Variants in PTPN11 observed in about 807,000 individuals in gnomAD.
PTPN11 encodes protein tyrosine phosphatase non-receptor type 11.
PTPN11 carries 6 observed loss-of-function variants against 78.8 expected under a neutral mutation model. That is an observed-to-expected ratio of 0.08 (90% CI 0.04 to 0.15). The LOEUF (loss-of-function observed/expected upper bound fraction) is 0.15. Ranked by LOEUF, PTPN11 falls within the 10% of genes least tolerant of loss-of-function variation. PTPN11 has a pLI of 1.00. For synonymous variants in PTPN11, 221 were observed against 263.5 expected (o/e 0.84, Z 1.56); for missense variants, 386 against 744.8 (o/e 0.52, Z 5.61).
intron 1 of PTPN11, among the ~76,000 whole-genome samples, chr12:112,442,375 A>T (rs1414190571): frequency 6.6e-6 from 1 of 152,046 alleles, no homozygotes; most frequent in Non-Finnish European, 1.5e-5. Context: ...TCTAATCCCC[A>T]AATCTCAAAT....
chr12:112,462,749 C>A (rs959907709), intron 6 of PTPN11, among the ~76,000 whole-genome samples: 1 of 152,106 alleles, frequency 6.6e-6, no homozygotes, highest in African/African-American at 2.4e-5. Flanking sequence ...ATAATAGTGT[C>A]TAGAGATAGT....
At chr12:112,499,142 TAAC>T (rs2038844449) in intron 13 of PTPN11, among the ~76,000 whole-genome samples, 2 of 152,144 alleles carry the variant, frequency 1.3e-5, no homozygotes, top group Admixed American at 6.6e-5. Context: ...GGTATATAGT[TAAC>T]AATACTGCAC....
chr12:112,440,563 CTTTTTTTTTT>C (rs772805515), intron 1 of PTPN11, among the ~76,000 whole-genome samples: 3 of 90,710 alleles, frequency 3.3e-5, no homozygotes, highest in East Asian at 2.6e-4. Context: ...TGTGCCTGGC[CTTTTTTTTTT>C]TTTTTTTTTT....
chr12:112,469,928 C>CT lies in PTPN11; in HGVS notation c.757-3006dup, dbSNP rs908638613. Among the ~76,000 whole-genome samples, 32 of 147,038 alleles carry CT rather than the reference C, an allele frequency of 2.2e-4. 1 individual carries two copies. The highest frequency in any genetic ancestry group is 3.2e-4 in the African/African-American group (13 of 40,228). On this transcript the variant is annotated intron_variant, in intron 6 of 15. Transcript: ENST00000351677. Reference sequence around the variant, plus strand: ...GAGATGCCAAAGCATCTTGAAGGTGCTTTTTTTTTTGGAAACAGAGTCTTG... The same window carrying CT: ...GAGATGCCAAAGCATCTTGAAGGTGCTTTTTTTTTTTGGAAACAGAGTCTTG...
chr12:112,420,791 C>T (rs775092981), intron 1 of PTPN11, among the ~76,000 whole-genome samples: 7 of 152,200 alleles, frequency 4.6e-5, no homozygotes, highest in Non-Finnish European at 7.3e-5. Context: ...TTGGCAAGTG[C>T]TTACAGATCT....
chr12:112,485,810 A>G (rs1463705696), intron 10 of PTPN11, among the ~76,000 whole-genome samples: 3 of 151,942 alleles, frequency 2.0e-5, no homozygotes, highest in Non-Finnish European at 4.4e-5. Context: ...AAGAAACCCC[A>G]TCGCTACTAA....
rs200008574 is a variant in PTPN11, at chr12:112,459,433, C to CT, written c.756+3385dup. Among the ~76,000 whole-genome samples the CT allele has an allele frequency of 3.1e-3, 444 of 141,744 alleles. 10 individuals carry two copies. The East Asian group carries it at 0.039, about 13-fold the overall frequency. The allele number at this position is 141,744 out of a possible 152,430, so 93.0% of individuals were successfully genotyped here. On this transcript the variant is annotated intron_variant, in intron 6 of 15. Coordinates refer to ENST00000351677, the MANE Select transcript of PTPN11 (RefSeq NM_002834.5). ...GCCCTGACTTGTCTTGAAGCAAATACTTTTTTTTTTTTTTTGAGATAGAGT... is the reference window on the plus strand; with the variant it reads ...GCCCTGACTTGTCTTGAAGCAAATACTTTTTTTTTTTTTTTTGAGATAGAGT...
In PTPN11 at chr12:112,506,609, C is replaced by T. The variant is rs775361295; in HGVS notation, c.*817C>T. The T allele has an allele frequency of 1.3e-5, 2 of 152,190 alleles. No homozygotes were observed. The highest frequency in any genetic ancestry group is 2.9e-5 in the Non-Finnish European group (2 of 68,050). 9.4% of individuals were successfully genotyped at this position (152,190 alleles called of 1,614,324 possible). A position where few individuals can be genotyped will look rare whatever the true frequency, so the allele number is the denominator to read the frequency against. The stretch of plus-strand genomic sequence containing the variant: ...GTTTTTGGTCGCCAAATGTTGCTGA[C>T]AAACTTATCCCAAAACTTTAGTGGC... On this transcript the variant is annotated 3_prime_UTR_variant, in exon 16 of 16. Transcript: ENST00000351677.
chr12:112,508,851 G>A lies in PTPN11; in HGVS notation c.*3059G>A, dbSNP rs1180499270. On this transcript the variant is annotated 3_prime_UTR_variant, in exon 16 of 16. Transcript: ENST00000351677. ...GAGGAGACACGGGTAGGACTTTCTT[G>A]GTGTGTGTGCATTCTTTAAAGAGCC... 1.3e-5 allele frequency: 2 copies of A among 152,128 alleles called. No individual in the cohort carries two copies. The highest frequency in any genetic ancestry group is 2.9e-5 in the Non-Finnish European group (2 of 68,026). The allele number at this position is 152,128 out of a possible 1,614,324, so 9.4% of individuals were successfully genotyped here.
At chr12:112,429,879 A>G (rs1183415735) in intron 1 of PTPN11, among the ~76,000 whole-genome samples, 2 of 152,134 alleles carry the variant, frequency 1.3e-5, no homozygotes, top group African/African-American at 2.4e-5. Context: ...TTAAAAAGAA[A>G]TTTTTAGAAC....
At chr12:112,438,808 A>G (rs2037836392) in intron 1 of PTPN11, among the ~76,000 whole-genome samples, 1 of 152,036 alleles carries the variant, frequency 6.6e-6, no homozygotes, top group African/African-American at 2.4e-5. Context: ...ATTTTTTTGT[A>G]GAGATGGGAT....
chr12:112,458,655 A>G (rs1447175577), intron 6 of PTPN11, among the ~76,000 whole-genome samples: 1 of 152,228 alleles, frequency 6.6e-6, no homozygotes, highest in African/African-American at 2.4e-5. Flanking sequence ...TGAAGACACT[A>G]GTGAACAAGA....
At chr12:112,463,769 T>C (rs2038285181) in intron 6 of PTPN11, among the ~76,000 whole-genome samples, 1 of 152,196 alleles carries the variant, frequency 6.6e-6, no homozygotes, top group Admixed American at 6.5e-5. Flanking sequence ...GTAAAATTGT[T>C]GTGCACTAAA....
chr12:112,487,752 T>G (rs189024146), intron 11 of PTPN11, among the ~76,000 whole-genome samples: 11 of 152,332 alleles, frequency 7.2e-5, no homozygotes, highest in Non-Finnish European at 1.5e-4. Context: ...TTTTAATTTT[T>G]AAAATTATTT....
chr12:112,468,245 G>A (rs1383673331), intron 6 of PTPN11, among the ~76,000 whole-genome samples: 1 of 152,212 alleles, frequency 6.6e-6, no homozygotes, highest in Non-Finnish European at 1.5e-5. Flanking sequence ...CAGGTCATTA[G>A]CAGCTTTTGT....
intron 13 of PTPN11, among the ~76,000 whole-genome samples, chr12:112,490,767 T>C (rs1216405800): frequency 6.6e-6 from 1 of 152,174 alleles, no homozygotes; most frequent in African/African-American, 2.4e-5. Flanking sequence ...TTTAAAAATG[T>C]GTAGGCTTCA....
chr12:112,438,067 C>T (rs1218417270), intron 1 of PTPN11, among the ~76,000 whole-genome samples: 1 of 152,118 alleles, frequency 6.6e-6, no homozygotes, highest in Non-Finnish European at 1.5e-5. Context: ...TATTTTCACA[C>T]TTCGGGTGGA....
chr12:112,440,865 C>T (rs1467775619), intron 1 of PTPN11, among the ~76,000 whole-genome samples: 4 of 151,522 alleles, frequency 2.6e-5, no homozygotes, highest in Admixed American at 2.0e-4. Context: ...CATGAGTCAC[C>T]GGGCCCAGAC....
chr12:112,448,120 C>G lies in PTPN11; in HGVS notation c.137+1722C>G, dbSNP rs149361318. On this transcript the variant is annotated intron_variant, in intron 2 of 15. Coordinates refer to ENST00000351677, the MANE Select transcript of PTPN11 (RefSeq NM_002834.5). ...CCTGGCCTGAGAAATCTCATTCTTACTCCTACTCCCTTGCACACTATCTCC... is the reference window on the plus strand; with the variant it reads ...CCTGGCCTGAGAAATCTCATTCTTAGTCCTACTCCCTTGCACACTATCTCC... Among the ~76,000 whole-genome samples, 168 of 151,834 alleles carry G rather than the reference C, an allele frequency of 1.1e-3. 1 individual carries two copies. Among genetic ancestry groups the G allele is most frequent in the African/African-American group, 3.6e-3 (150 of 41,426 alleles).
Sources: allele counts gnomAD v4.1 joint callset (sites outside exome capture counted in the v4.1 genomes callset), GRCh38; gene constraint gnomAD v4.1.1; transcripts MANE v1.5; gene names NCBI Gene and HGNC (gene_info 2026-07-23, HGNC 2026-07-21).